TJP1: variants seen among roughly 807,000 people sequenced by gnomAD.
TJP1 encodes the protein tight junction protein 1.
TJP1 carries 43 observed loss-of-function variants against 194.2 expected under a neutral mutation model. The observed-to-expected ratio is 0.22, with a 90% CI of 0.17 to 0.29. The LOEUF (loss-of-function observed/expected upper bound fraction) is 0.29, where lower values mean the gene tolerates loss of function less well. TJP1 is among the 10% of genes least tolerant of loss of function. The pLI is 1.00. For synonymous variants in TJP1, 801 were observed against 779.0 expected (o/e 1.03, Z -0.47); for missense variants, 1,971 against 2,185.7 (o/e 0.90, Z 1.96).
chr15:29,791,216 G>A (rs1429939933), intron 2 of TJP1, among the ~76,000 whole-genome samples: 4 of 151,590 alleles, frequency 2.6e-5, no homozygotes, highest in Admixed American at 1.3e-4. Context: ...TAGTAGAGAC[G>A]GGATTTCTCC....
At chr15:29,817,069 G>T (rs1012643045) in intron 1 of TJP1, among the ~76,000 whole-genome samples, 1 of 152,118 alleles carries the variant, frequency 6.6e-6, no homozygotes, top group African/African-American at 2.4e-5. Flanking sequence ...TCTGACAAAG[G>T]TCTAATATCC....
intron 5 of TJP1, among the ~76,000 whole-genome samples, chr15:29,763,968 A>G (rs1276960866): frequency 1.3e-5 from 2 of 152,152 alleles, no homozygotes; most frequent in African/African-American, 4.8e-5. Context: ...TCAAGATTAA[A>G]CACTTATAAA....
At chr15:29,952,707 T>A (rs1596319043) in intron 2 of TJP1, among the ~76,000 whole-genome samples, 1 of 152,232 alleles carries the variant, frequency 6.6e-6, no homozygotes, top group Non-Finnish European at 1.5e-5. Context: ...TATGTATATA[T>A]GCCAGGAGAT....
At chr15:29,811,893 TTAAA>T (rs1265897321) in intron 1 of TJP1, among the ~76,000 whole-genome samples, 5 of 152,232 alleles carry the variant, frequency 3.3e-5, no homozygotes, top group South Asian at 2.1e-4. Context: ...AATGAATGTC[TTAAA>T]TAATCTACAG....
At chr15:29,797,905 A>T (rs2048520125) in intron 2 of TJP1, among the ~76,000 whole-genome samples, 2 of 152,244 alleles carry the variant, frequency 1.3e-5, no homozygotes, top group African/African-American at 4.8e-5. Context: ...AGATATATGG[A>T]CAACAAATGA....
intron 8 of TJP1, among the ~76,000 whole-genome samples, chr15:29,748,793 C>T (rs536435046): frequency 4.7e-4 from 72 of 152,010 alleles, no homozygotes; most frequent in Non-Finnish European, 8.5e-4. Context: ...AGGCGAGTCT[C>T]GAACTTCTGG....
chr15:29,903,567 C>T (rs1273383679), intron 2 of TJP1, among the ~76,000 whole-genome samples: 1 of 152,058 alleles, frequency 6.6e-6, no homozygotes, highest in Non-Finnish European at 1.5e-5. Flanking sequence ...GCCTCAGCCT[C>T]CCAAGTAGCT....
chr15:29,744,559 TAAATC>T (rs2044640178), intron 8 of TJP1, among the ~76,000 whole-genome samples: 1 of 152,134 alleles, frequency 6.6e-6, no homozygotes, highest in Non-Finnish European at 1.5e-5. Flanking sequence ...AATAAAAAGA[TAAATC>T]AAGATCTATA....
chr15:29,816,398 A>C (rs2049926294), intron 1 of TJP1, among the ~76,000 whole-genome samples: 2 of 152,306 alleles, frequency 1.3e-5, no homozygotes, highest in Admixed American at 1.3e-4. Flanking sequence ...ACAATTTGAA[A>C]CATAACTATC....
intron 15 of TJP1, among the ~76,000 whole-genome samples, chr15:29,730,463 G>A (rs2043555023): frequency 1.3e-5 from 2 of 151,848 alleles, no homozygotes; most frequent in Admixed American, 1.3e-4. Flanking sequence ...CAGGCGTGTT[G>A]GCATGTGCCT....
intron 2 of TJP1, among the ~76,000 whole-genome samples, chr15:29,949,987 C>T (rs866304617): frequency 2.0e-5 from 1 of 49,744 alleles, no homozygotes; most frequent in Non-Finnish European, 3.3e-5. Context: ...TCACCACCAC[C>T]TCCACCACCA....
intron 11 of TJP1, among the ~76,000 whole-genome samples, chr15:29,734,950 AG>A (rs2151281660): frequency 6.6e-6 from 1 of 152,322 alleles, no homozygotes; most frequent in South Asian, 2.1e-4. Context: ...AAATTTAACC[AG>A]TTTAGATGAA....
At chr15:29,802,054 G>A (rs1180882791) in intron 1 of TJP1, among the ~76,000 whole-genome samples, 2 of 152,030 alleles carry the variant, frequency 1.3e-5, no homozygotes, top group Non-Finnish European at 2.9e-5. Flanking sequence ...AATTGCTCTT[G>A]GAGACTTAAA....
chr15:29,704,117 C>T lies in TJP1; in HGVS notation c.5212+45G>A, dbSNP rs45557935. On this transcript the variant is annotated intron_variant, in intron 27 of 27. Coordinates refer to ENST00000614355, the MANE Select transcript of TJP1 (RefSeq NM_001330239.4). Reference sequence around the variant, plus strand: ...CATCATCAGCCCAGGTATTAATCAACGACAGTCCCCAAAGCTCCCAAAGGA... The same window carrying T: ...CATCATCAGCCCAGGTATTAATCAATGACAGTCCCCAAAGCTCCCAAAGGA... 5,054 of 1,537,124 alleles carry T rather than the reference C, an allele frequency of 3.3e-3. 98 individuals are homozygous for T. In the African/African-American group the frequency reaches 0.045, roughly 14 times the overall value.
At chr15:29,890,493 A>G (rs991580015) in intron 2 of TJP1, among the ~76,000 whole-genome samples, 5 of 152,188 alleles carry the variant, frequency 3.3e-5, no homozygotes, top group African/African-American at 1.2e-4. Context: ...TTGTTGGTGT[A>G]GTTTCCTAAG....
rs1596245400 is a variant in TJP1, at chr15:29,913,191, A to G, written c.306+43041T>C. ...AGTTCATGAAAGCAGGGGGATCACA[A>G]AAAAAAAAGGGGGTAGAATACGGAG... is the stretch of plus-strand genomic sequence containing the variant. On this transcript the variant is annotated intron_variant, in intron 2 of 28. Transcript: ENST00000356107. Among the ~76,000 whole-genome samples the G allele has an allele frequency of 3.5e-5, 5 of 143,162 alleles. No homozygotes were observed. In the South Asian group the frequency reaches 1.2e-3, roughly 34 times the overall value. The allele number at this position is 143,162 out of a possible 152,430, so 93.9% of individuals were successfully genotyped here. A position where few individuals can be genotyped will look rare whatever the true frequency, so the allele number is the denominator to read the frequency against.
chr15:29,944,330 C>T (rs982320921), intron 2 of TJP1, among the ~76,000 whole-genome samples: 7 of 151,854 alleles, frequency 4.6e-5, no homozygotes, highest in African/African-American at 1.7e-4. Context: ...CTCCTGACCT[C>T]GTGATCCACC....
In TJP1 at chr15:29,714,887, G is replaced by A. The variant is rs554818349; in HGVS notation, c.4202+1724C>T. On this transcript the variant is annotated intron_variant, in intron 23 of 27. Transcript: ENST00000614355. ...ATTCTATTTACCAAATATGTAAAAC[G>A]ATAAATAAGAGATATCTTTAAACTA... is the stretch of plus-strand genomic sequence containing the variant. 2.0e-5 allele frequency among the ~76,000 whole-genome samples: 3 copies of A among 152,180 alleles called. No individual in the cohort carries two copies. In the South Asian group the frequency reaches 6.2e-4, roughly 32 times the overall value.
chr15:29,804,225 T>C (rs1471725308), intron 1 of TJP1, among the ~76,000 whole-genome samples: 6 of 152,226 alleles, frequency 3.9e-5, no homozygotes, highest in Middle Eastern at 6.8e-3. Context: ...CACGTAAATA[T>C]GTAATAATGC....
Sources: gnomAD v4.1 joint callset for allele counts (sites outside exome capture counted in the v4.1 genomes callset) on GRCh38, gnomAD v4.1.1 for gene constraint, MANE v1.5 for transcripts, NCBI Gene and HGNC (gene_info 2026-07-23, HGNC 2026-07-21) for gene names.